Variants in ZSCAN5A observed in about 807,000 individuals in gnomAD.
The protein encoded by ZSCAN5A is zinc finger and SCAN domain containing 5A, also known as zinc finger and SCAN domain-containing protein 5A.
ZSCAN5A carries 12 observed loss-of-function variants against 23.7 expected under a neutral mutation model. The observed-to-expected ratio is 0.51, with a 90% confidence interval of 0.32 to 0.82. ZSCAN5A has a LOEUF of 0.82. ZSCAN5A is among the 40% of genes least tolerant of loss of function. ZSCAN5A has a pLI of 0.03. For synonymous variants in ZSCAN5A, 257 were observed against 239.9 expected, an observed-to-expected ratio of 1.07 and a Z score of -0.66; for missense variants, 597 against 617.9, an observed-to-expected ratio of 0.97 and a Z score of 0.36.
intron 2 of ZSCAN5A, chr19:56,312,310 T>C (rs886525045): frequency 6.6e-6 from 1 of 152,256 alleles, no homozygotes; most frequent in Non-Finnish European, 1.5e-5. Context: ...CAAGTATCAA[T>C]TTAAAATTTT....
chr19:56,293,520 A>T (rs187830928), intron 2 of ZSCAN5A, among the ~76,000 whole-genome samples: 12 of 152,242 alleles, frequency 7.9e-5, no homozygotes, highest in Non-Finnish European at 1.5e-4. Context: ...ACTGGCAGAG[A>T]GTGTGCACTG....
At chr19:56,316,982 G>A (rs112085846), upstream of ZSCAN5A, among the ~76,000 whole-genome samples, 6,213 of 152,164 alleles carry the variant, frequency 0.041, 154 homozygotes, top group South Asian at 0.11. Flanking sequence ...GACTACAGGC[G>A]CATGCCACCA....
chr19:56,249,617 G>A (rs2036202184), intron 2 of ZSCAN5A, among the ~76,000 whole-genome samples: 2 of 152,150 alleles, frequency 1.3e-5, no homozygotes, highest in South Asian at 2.1e-4. Flanking sequence ...TATAGAGCTC[G>A]CCAATGCTCT....
upstream of ZSCAN5A, chr19:56,315,086 C>T (rs1167837243): frequency 6.6e-6 from 1 of 152,186 alleles, no homozygotes; most frequent in Non-Finnish European, 1.5e-5. Context: ...GCTCTTGTCG[C>T]TCTGAACCTT....
rs1048696404 is a variant in ZSCAN5A at position 56,282,446 on chromosome 19, T to G, written c.-128+30837A>C. Reference sequence around the variant, plus strand: ...CCTTCATTGGCAATATGGTTCCCACTGGCTACCATCGGTCCTGTCCTTCCT... The same window carrying G: ...CCTTCATTGGCAATATGGTTCCCACGGGCTACCATCGGTCCTGTCCTTCCT... On this transcript the variant is annotated intron_variant, in intron 2 of 5. Transcript: ENST00000683990. 12 of 983,200 alleles carry G rather than the reference T, an allele frequency of 1.2e-5. No individual in the cohort carries two copies. The Admixed American group carries it at 6.2e-4, about 50-fold the overall frequency. 60.9% of individuals were successfully genotyped at this position (983,200 alleles called of 1,614,324 possible).
intron 2 of ZSCAN5A, among the ~76,000 whole-genome samples, chr19:56,349,944 C>T (rs1289268259): frequency 6.6e-6 from 1 of 152,006 alleles, no homozygotes; most frequent in African/African-American, 2.4e-5. Context: ...TTGTAAATCC[C>T]CAAAGGGACA....
intron 2 of ZSCAN5A, among the ~76,000 whole-genome samples, chr19:56,355,939 C>T (rs2041698192): frequency 6.7e-6 from 1 of 148,750 alleles, no homozygotes; most frequent in Non-Finnish European, 1.5e-5. Flanking sequence ...AACAGACATA[C>T]ACTTATTTTC....
At position 56,221,980 on chromosome 19, in the gene ZSCAN5A, C is replaced by A. The variant is rs1029947326; in HGVS notation, c.1086G>T (p.Glu362Asp). 4.6e-5 allele frequency: 74 copies of A among 1,613,494 alleles called. No homozygotes were observed. The highest frequency in any genetic ancestry group is 6.0e-5 in the Non-Finnish European group (71 of 1,180,044). ...GCTTGGAATTACACGTAAACCTCTT[C>A]TCGCACACGTCACATGCAAAGGGCG... Reference protein sequence around the residue: ...ALPPFACDVCEKRFTCNSKLV... With the variant: ...ALPPFACDVCDKRFTCNSKLV... The change falls in exon 6 of 6, where the codon GAG becomes GAT. Residue 362 changes from glutamate (E) to aspartate (D), a missense_variant. Glu to Asp is a conservative substitution (Grantham distance 45). This residue lies in a region of ZSCAN5A where 406 missense variants were observed against 353.2 expected (regional missense o/e 1.15). Transcript: ENST00000683990.
At chr19:56,264,843 T>G (rs1433153065) in intron 2 of ZSCAN5A, among the ~76,000 whole-genome samples, 1 of 152,148 alleles carries the variant, frequency 6.6e-6, no homozygotes, top group Non-Finnish European at 1.5e-5. Context: ...ATCCTAGGGC[T>G]GGGCGCGGTG....
At chr19:56,278,101 ATT>A (rs34892463) in intron 2 of ZSCAN5A, among the ~76,000 whole-genome samples, 20 of 144,820 alleles carry the variant, frequency 1.4e-4, no homozygotes, top group Non-Finnish European at 1.8e-4. Flanking sequence ...ACAATGTGCT[ATT>A]TTTTTTTTTT....
chr19:56,237,994 T>C lies in ZSCAN5A; in HGVS notation c.-127-12821A>G, dbSNP rs1439856487. ...ACACGGACACACACACATACACACATACGCACACATACACACACACGTCAA... is the reference window on the plus strand; with the variant it reads ...ACACGGACACACACACATACACACACACGCACACATACACACACACGTCAA... On this transcript the variant is annotated intron_variant, in intron 2 of 5. Coordinates refer to ENST00000683990, the MANE Select transcript of ZSCAN5A (RefSeq NM_001322064.3). Among the ~76,000 whole-genome samples, 20 of 41,374 alleles carry C rather than the reference T, an allele frequency of 4.8e-4. 3 individuals carry two copies. The highest frequency in any genetic ancestry group is 7.7e-4 in the Non-Finnish European group (16 of 20,908). The allele number at this position is 41,374 out of a possible 152,430, so 27.1% of individuals were successfully genotyped here. A position where few individuals can be genotyped will look rare whatever the true frequency, so the allele number is the denominator to read the frequency against.
At chr19:56,323,491 C>T (rs962380077) in intron 2 of ZSCAN5A, among the ~76,000 whole-genome samples, 3 of 150,878 alleles carry the variant, frequency 2.0e-5, no homozygotes, top group African/African-American at 7.3e-5. Context: ...ATGTTTGATC[C>T]CAGGTTTGTT....
At chr19:56,269,133 G>A (rs1376074748) in intron 2 of ZSCAN5A, among the ~76,000 whole-genome samples, 2 of 152,056 alleles carry the variant, frequency 1.3e-5, no homozygotes, top group Admixed American at 1.3e-4. Flanking sequence ...GTGCTTTCGG[G>A]TACATACCTA....
In ZSCAN5A at chr19:56,311,570, G is replaced by A. The variant is rs773232181; in HGVS notation, c.-128+1713C>T. On this transcript the variant is annotated intron_variant, in intron 2 of 5. Transcript: ENST00000683990. The stretch of plus-strand genomic sequence containing the variant: ...GCATCAGTTGGTATATTTCATAGAC[G>A]GATGGAAAATTCTTTTACCCCAGGG... Among the ~76,000 whole-genome samples, 64 of 152,208 alleles carry A rather than the reference G, an allele frequency of 4.2e-4. 1 individual carries two copies. Among genetic ancestry groups the A allele is most frequent in the East Asian group, 1.9e-4 (1 of 5,180 alleles).
At chr19:56,264,853 G>A (rs1388504257) in intron 2 of ZSCAN5A, among the ~76,000 whole-genome samples, 2 of 152,182 alleles carry the variant, frequency 1.3e-5, no homozygotes, top group Admixed American at 1.3e-4. Flanking sequence ...TGGGCGCGGT[G>A]GCTCATGCCT....
intron 2 of ZSCAN5A, among the ~76,000 whole-genome samples, chr19:56,241,429 T>C (rs757928787): frequency 6.6e-6 from 1 of 152,232 alleles, no homozygotes; most frequent in Non-Finnish European, 1.5e-5. Context: ...CATATTTGTA[T>C]GCTTTTTTCA....
chr19:56,240,276 A>T (rs963593459), intron 2 of ZSCAN5A, among the ~76,000 whole-genome samples: 1 of 152,136 alleles, frequency 6.6e-6, no homozygotes, highest in Non-Finnish European at 1.5e-5. Context: ...AATTCAGTAG[A>T]GTGGGAAAAC....
intron 2 of ZSCAN5A, among the ~76,000 whole-genome samples, chr19:56,236,009 C>T: frequency 1.6e-5 from 1 of 62,842 alleles, no homozygotes. Flanking sequence ...TCTGATTGAC[C>T]GTGGGCCAAG....
At chr19:56,291,441 T>A (rs1277957896) in intron 2 of ZSCAN5A, among the ~76,000 whole-genome samples, 1 of 152,248 alleles carries the variant, frequency 6.6e-6, no homozygotes, top group Non-Finnish European at 1.5e-5. Flanking sequence ...CCTATCGCAT[T>A]AATCTGGAAG....
Sources: allele counts gnomAD v4.1 joint callset (sites outside exome capture counted in the v4.1 genomes callset), GRCh38; gene constraint gnomAD v4.1.1; regional missense constraint gnomAD v4.1.1; transcripts MANE v1.5; gene names NCBI Gene and HGNC (gene_info 2026-07-23, HGNC 2026-07-21).